MACROD2: variants seen among roughly 807,000 people sequenced by gnomAD.
The protein encoded by MACROD2 is ADP-ribose glycohydrolase MACROD2.
Under a neutral mutation model 70.4 loss-of-function variants are expected in MACROD2, and 36 were observed. The ratio of observed to expected loss-of-function variants is 0.51; its 90% CI spans 0.39 to 0.68. The LOEUF (loss-of-function observed/expected upper bound fraction) is 0.68, where lower values mean the gene tolerates loss of function less well. Ranked by LOEUF, MACROD2 falls within the 30% of genes least tolerant of loss-of-function variation. The pLI, the probability that MACROD2 is intolerant of heterozygous loss-of-function variation, is 0.00. For synonymous variants in MACROD2, 172 were observed against 178.8 expected, an observed-to-expected ratio of 0.96 and a Z score of 0.30; for missense variants, 496 against 538.4, an observed-to-expected ratio of 0.92 and a Z score of 0.78.
chr20:14,638,056 A>G (rs1255436009), intron 4 of MACROD2, among the ~76,000 whole-genome samples: 1 of 151,608 alleles, frequency 6.6e-6, no homozygotes, highest in African/African-American at 2.4e-5. Context: ...AAAAGGCAGG[A>G]TGGGAAGAAA....
chr20:15,072,697 G>A (rs1174281506), intron 5 of MACROD2, among the ~76,000 whole-genome samples: 2 of 152,108 alleles, frequency 1.3e-5, no homozygotes, highest in Non-Finnish European at 2.9e-5. Context: ...CTGGAGTCTA[G>A]GAAAAGTACA....
intron 3 of MACROD2, among the ~76,000 whole-genome samples, chr20:14,233,528 TAAA>T (rs71190121): frequency 4.9e-5 from 7 of 143,786 alleles, no homozygotes; most frequent in Admixed American, 6.9e-5. Context: ...CCGTCTCTAC[TAAA>T]AAAAAAAAAA....
At chr20:14,803,665 G>A (rs1247511140) in intron 5 of MACROD2, among the ~76,000 whole-genome samples, 2 of 152,070 alleles carry the variant, frequency 1.3e-5, no homozygotes, top group Admixed American at 1.3e-4. Context: ...ATTTTTAGTA[G>A]AGACGGGGTT....
intron 3 of MACROD2, among the ~76,000 whole-genome samples, chr20:14,407,575 A>C (rs989329511): frequency 3.3e-5 from 5 of 152,166 alleles, no homozygotes; most frequent in Non-Finnish European, 5.9e-5. Flanking sequence ...TTCCCAGTAA[A>C]ATCGAATTCC....
chr20:14,168,626 A>C (rs974859031), intron 3 of MACROD2, among the ~76,000 whole-genome samples: 14 of 152,172 alleles, frequency 9.2e-5, no homozygotes, highest in Non-Finnish European at 1.5e-4. Context: ...GTACAGTTCT[A>C]TGGGCTTTGC....
intron 5 of MACROD2, among the ~76,000 whole-genome samples, chr20:14,738,586 T>C (rs1034993392): frequency 6.6e-6 from 1 of 152,168 alleles, no homozygotes; most frequent in Non-Finnish European, 1.5e-5. Flanking sequence ...AACATAGATA[T>C]TTGACACATT....
At chr20:15,560,581 G>A (rs1487671031) in intron 8 of MACROD2, among the ~76,000 whole-genome samples, 2 of 151,552 alleles carry the variant, frequency 1.3e-5, no homozygotes, top group African/African-American at 4.9e-5. Context: ...TGGCCAACAT[G>A]GTTAAAACCT....
At chr20:15,373,190 G>A (rs2045516746) in intron 6 of MACROD2, among the ~76,000 whole-genome samples, 1 of 152,160 alleles carries the variant, frequency 6.6e-6, no homozygotes, top group South Asian at 2.1e-4. Flanking sequence ...GATAGGCCAT[G>A]TTTCTATAAA....
chr20:14,038,969 TAAAC>T (rs1210746965), intron 2 of MACROD2, among the ~76,000 whole-genome samples: 3 of 152,190 alleles, frequency 2.0e-5, no homozygotes, highest in African/African-American at 7.2e-5. Flanking sequence ...ATATTGAAGA[TAAAC>T]TATATTTTAC....
intron 3 of MACROD2, among the ~76,000 whole-genome samples, chr20:14,479,944 A>G (rs1274957722): frequency 6.6e-6 from 1 of 152,212 alleles, no homozygotes; most frequent in African/African-American, 2.4e-5. Flanking sequence ...TGGCGCAATC[A>G]TAGCTCACTG....
At chr20:15,421,495 T>C (rs6074888) in intron 6 of MACROD2, among the ~76,000 whole-genome samples, 47,119 of 152,058 alleles carry the variant, frequency 0.31, 7,600 homozygotes, top group African/African-American at 0.38. Context: ...AGTATAATCA[T>C]ACCATAGACT....
At chr20:14,275,867 A>C (rs1307369505) in intron 3 of MACROD2, among the ~76,000 whole-genome samples, 1 of 152,248 alleles carries the variant, frequency 6.6e-6, no homozygotes, top group Non-Finnish European at 1.5e-5. Flanking sequence ...GCCAAAAAAC[A>C]CATGAAAAAA....
chr20:15,011,899 G>A (rs778100060), intron 5 of MACROD2, among the ~76,000 whole-genome samples: 4 of 152,138 alleles, frequency 2.6e-5, no homozygotes, highest in Non-Finnish European at 4.4e-5. Flanking sequence ...ATTGAGCGCC[G>A]TGTGCTCTTG....
At chr20:14,096,550 G>A (rs771220125) in intron 3 of MACROD2, among the ~76,000 whole-genome samples, 91 of 151,866 alleles carry the variant, frequency 6.0e-4, no homozygotes, top group Non-Finnish European at 4.6e-4. Context: ...TGTATTTTTA[G>A]TAGAAATGGG....
At chr20:15,483,097 A>G (rs1037410464) in intron 7 of MACROD2, among the ~76,000 whole-genome samples, 2 of 152,142 alleles carry the variant, frequency 1.3e-5, no homozygotes, top group African/African-American at 4.8e-5. Flanking sequence ...TTTTTTTCAT[A>G]AAGCATGTAT....
intron 5 of MACROD2, among the ~76,000 whole-genome samples, chr20:15,007,833 ACTCTGGGGC>A (rs1414931310): frequency 7.2e-5 from 11 of 151,982 alleles, no homozygotes; most frequent in African/African-American, 2.7e-4. Flanking sequence ...AACCCCAATA[ACTCTGGGGC>A]CAGGCTTGCC....
At chr20:15,775,214 C>T (rs530765523) in intron 8 of MACROD2, among the ~76,000 whole-genome samples, 15 of 152,146 alleles carry the variant, frequency 9.9e-5, no homozygotes, top group African/African-American at 3.1e-4. Flanking sequence ...AGCTTTATGC[C>T]CCTTCCTGAG....
At chr20:14,147,230 T>G (rs2054954053) in intron 3 of MACROD2, among the ~76,000 whole-genome samples, 1 of 152,232 alleles carries the variant, frequency 6.6e-6, no homozygotes, top group African/African-American at 2.4e-5. Context: ...GATAAATACA[T>G]TTCCCAAGGT....
chr20:14,032,957 AT>A (rs2053262721), intron 2 of MACROD2, among the ~76,000 whole-genome samples: 1 of 152,078 alleles, frequency 6.6e-6, no homozygotes, highest in African/African-American at 2.4e-5. Context: ...CTATCTTGTT[AT>A]TAGCACAATT....
Sources: gnomAD v4.1 joint callset for allele counts (sites outside exome capture counted in the v4.1 genomes callset) on GRCh38, gnomAD v4.1.1 for gene constraint, MANE v1.5 for transcripts, NCBI Gene and HGNC (gene_info 2026-07-23, HGNC 2026-07-21) for gene names.